Variants in CAMKMT observed in about 807,000 individuals in gnomAD.
The protein encoded by CAMKMT is calmodulin-lysine N-methyltransferase, also known as CaM KMT.
Under a neutral mutation model 48.0 loss-of-function variants are expected in CAMKMT, and 53 were observed. The ratio of observed to expected loss-of-function variants is 1.10; its 90% CI spans 0.89 to 1.39. The LOEUF (loss-of-function observed/expected upper bound fraction) is 1.39, where lower values mean the gene tolerates loss of function less well. CAMKMT is among the 40% of genes most tolerant of loss of function. The probability of loss-of-function intolerance (pLI) is 0.00; values close to 1 mark genes in which losing one functional copy is unlikely to be tolerated. For synonymous variants in CAMKMT, 165 were observed against 152.3 expected, an observed-to-expected ratio of 1.08 and a Z score of -0.61; for missense variants, 428 against 402.7, an observed-to-expected ratio of 1.06 and a Z score of -0.54.
At chr2:44,486,146 T>A (rs1159651450) in intron 3 of CAMKMT, among the ~76,000 whole-genome samples, 1 of 152,084 alleles carries the variant, frequency 6.6e-6, no homozygotes, top group African/African-American at 2.4e-5. Context: ...TGTATTTTTT[T>A]AGTAGAGACG....
chr2:44,522,199 G>T (rs1671152198), intron 3 of CAMKMT, among the ~76,000 whole-genome samples: 1 of 151,820 alleles, frequency 6.6e-6, no homozygotes, highest in Non-Finnish European at 1.5e-5. Context: ...TAGAGATGGG[G>T]TTTCACTGTA....
intron 7 of CAMKMT, among the ~76,000 whole-genome samples, chr2:44,731,375 C>T (rs343971): frequency 0.13 from 20,170 of 152,072 alleles, 1,505 homozygotes; most frequent in South Asian, 0.19. Flanking sequence ...GACTCACTCC[C>T]CTACAGCCAG....
At chr2:44,468,248 A>G (rs1026772604) in intron 3 of CAMKMT, among the ~76,000 whole-genome samples, 2 of 152,228 alleles carry the variant, frequency 1.3e-5, no homozygotes, top group Non-Finnish European at 2.9e-5. Context: ...ATATGAAACA[A>G]TGTTCCACAT....
chr2:44,567,750 C>T (rs1454144637), intron 3 of CAMKMT, among the ~76,000 whole-genome samples: 1 of 151,988 alleles, frequency 6.6e-6, no homozygotes, highest in Non-Finnish European at 1.5e-5. Flanking sequence ...GCTAGCACAA[C>T]TTTTGGCAGA....
chr2:44,514,584 G>T (rs2104778845), intron 3 of CAMKMT, among the ~76,000 whole-genome samples: 1 of 152,296 alleles, frequency 6.6e-6, no homozygotes, highest in African/African-American at 2.4e-5. Flanking sequence ...AACAAAGGAT[G>T]CTGAGATGAC....
chr2:44,761,115 C>A (rs1186963171), intron 9 of CAMKMT, among the ~76,000 whole-genome samples: 1 of 152,120 alleles, frequency 6.6e-6, no homozygotes, highest in Non-Finnish European at 1.5e-5. Flanking sequence ...AGGTGGCCAA[C>A]TGGGGAGGAG....
chr2:44,724,551 C>A (rs1678670005), intron 7 of CAMKMT, among the ~76,000 whole-genome samples: 1 of 151,980 alleles, frequency 6.6e-6, no homozygotes, highest in Admixed American at 6.6e-5. Context: ...TTCGAGAAGC[C>A]CATTTTATAT....
At chr2:44,627,038 G>A (rs906018312) in intron 3 of CAMKMT, among the ~76,000 whole-genome samples, 25 of 152,048 alleles carry the variant, frequency 1.6e-4, no homozygotes, top group African/African-American at 6.0e-4. Context: ...ATGAGAGAAT[G>A]TCCTTCTATT....
intron 3 of CAMKMT, among the ~76,000 whole-genome samples, chr2:44,540,687 G>C (rs1007760924): frequency 2.6e-5 from 4 of 152,094 alleles, no homozygotes; most frequent in Admixed American, 6.5e-5. Flanking sequence ...GAAGGGCAAG[G>C]CTGCAGTGAG....
intron 3 of CAMKMT, among the ~76,000 whole-genome samples, chr2:44,418,144 A>T (rs1254055221): frequency 1.3e-5 from 2 of 150,412 alleles, no homozygotes; most frequent in East Asian, 3.9e-4. Flanking sequence ...GTGAGCCAAG[A>T]TCGCGCCATT....
intron 3 of CAMKMT, among the ~76,000 whole-genome samples, chr2:44,681,992 G>T (rs1196299365): frequency 1.3e-5 from 2 of 152,292 alleles, no homozygotes; most frequent in East Asian, 3.9e-4. Flanking sequence ...CTAATCCTCG[G>T]TCTCGATAAG....
At chr2:44,636,196 AG>A (rs1673124227) in intron 3 of CAMKMT, among the ~76,000 whole-genome samples, 1 of 152,184 alleles carries the variant, frequency 6.6e-6, no homozygotes, top group Non-Finnish European at 1.5e-5. Context: ...AGCTGGACTA[AG>A]GGAGCAGAAC....
At chr2:44,389,813 A>G (rs1449359060) in intron 2 of CAMKMT, among the ~76,000 whole-genome samples, 2 of 152,120 alleles carry the variant, frequency 1.3e-5, no homozygotes, top group African/African-American at 4.8e-5. Context: ...AAGATTGGCT[A>G]TTTCTTTGTG....
intron 9 of CAMKMT, among the ~76,000 whole-genome samples, chr2:44,754,698 A>G (rs1318448225): frequency 1.3e-5 from 2 of 152,182 alleles, no homozygotes; most frequent in Non-Finnish European, 2.9e-5. Flanking sequence ...TTTTACATTT[A>G]TATATCCATT....
chr2:44,437,016 A>G (rs1189312676), intron 3 of CAMKMT, among the ~76,000 whole-genome samples: 2 of 152,184 alleles, frequency 1.3e-5, no homozygotes, highest in African/African-American at 4.8e-5. Context: ...ATAACATACC[A>G]TTTTAGTTTC....
intron 7 of CAMKMT, among the ~76,000 whole-genome samples, chr2:44,716,639 C>T (rs1359153173): frequency 1.3e-5 from 2 of 152,110 alleles, no homozygotes; most frequent in African/African-American, 4.8e-5. Context: ...AAGGGTCTGC[C>T]GTTACCTGTG....
At chr2:44,512,967 T>A (rs1386431514) in intron 3 of CAMKMT, among the ~76,000 whole-genome samples, 2 of 152,306 alleles carry the variant, frequency 1.3e-5, no homozygotes, top group South Asian at 2.1e-4. Context: ...AAATATCTAT[T>A]TAATTACATT....
chr2:44,429,947 G>A (rs1684548228), intron 3 of CAMKMT, among the ~76,000 whole-genome samples: 1 of 151,480 alleles, frequency 6.6e-6, no homozygotes, highest in African/African-American at 2.4e-5. Context: ...GTATATATAT[G>A]TATTGAGACA....
chr2:44,635,797 G>A (rs1477176352), intron 3 of CAMKMT, among the ~76,000 whole-genome samples: 1 of 152,164 alleles, frequency 6.6e-6, no homozygotes, highest in Non-Finnish European at 1.5e-5. Context: ...TTGATTAGTT[G>A]TGTTATTAAG....
Sources: allele counts gnomAD v4.1 joint callset (sites outside exome capture counted in the v4.1 genomes callset), GRCh38; gene constraint gnomAD v4.1.1; transcripts MANE v1.5; gene names NCBI Gene and HGNC (gene_info 2026-07-23, HGNC 2026-07-21).